The following DDX60 variants were observed in gnomAD, a reference collection of about 807,000 sequenced individuals.
DDX60 encodes the protein probable ATP-dependent RNA helicase DDX60.
In DDX60, 165 loss-of-function variants were observed where a neutral mutation model predicts 212.8. The observed-to-expected ratio is 0.78, with a 90% CI of 0.68 to 0.88. The LOEUF is 0.88. Ranked by LOEUF, DDX60 falls within the 40% of genes least tolerant of loss-of-function variation. The probability of loss-of-function intolerance (pLI) is 0.00; values close to 1 mark genes in which losing one functional copy is unlikely to be tolerated. For synonymous variants in DDX60, 703 were observed against 685.3 expected (o/e 1.03, Z -0.40); for missense variants, 1,905 against 2,003.9 (o/e 0.95, Z 0.94).
intron 11 of DDX60, 107 bp downstream of exon 11, chr4:168,285,286 A>ATG: frequency 1.4e-6 from 1 of 715,620 alleles, no homozygotes. Context: ...TTACAAACAC[A>ATG]TACTACATGT....
At chr4:168,314,963 G>C (rs569911852) in intron 1 of DDX60, among the ~76,000 whole-genome samples, 1 of 152,198 alleles carries the variant, frequency 6.6e-6, no homozygotes, top group African/African-American at 2.4e-5. Context: ...CAAGAATAAA[G>C]AGAAAGACAG....
At chr4:168,240,203 A>G (rs2149498437) in intron 30 of DDX60, among the ~76,000 whole-genome samples, 1 of 152,284 alleles carries the variant, frequency 6.6e-6, no homozygotes, top group East Asian at 1.9e-4. Context: ...CCAAATCACA[A>G]ATGAACTCCC....
intron 28 of DDX60, among the ~76,000 whole-genome samples, 163 bp downstream of exon 28, chr4:168,250,791 C>A (rs991416469): frequency 1.3e-5 from 2 of 151,952 alleles, no homozygotes; most frequent in African/African-American, 4.8e-5. Context: ...TCCCAAAGTG[C>A]TGGTATTATA....
chr4:168,261,812 A>T, intron 24 of DDX60, among the ~76,000 whole-genome samples, 188 bp downstream of exon 24: 1 of 152,190 alleles, frequency 6.6e-6, no homozygotes, highest in Non-Finnish European at 1.5e-5. Flanking sequence ...GAAGACACTG[A>T]GGATAAGACA....
At chr4:168,319,545 TA>T (rs904531388), upstream of DDX60, among the ~76,000 whole-genome samples, 2 of 152,216 alleles carry the variant, frequency 1.3e-5, no homozygotes, top group Non-Finnish European at 2.9e-5. Flanking sequence ...GAATCAACAT[TA>T]AAAAATAAAT....
At chr4:168,262,875 A>G in intron 22 of DDX60, 88 bp from the exon 23 acceptor site, 4 of 795,254 alleles carry the variant, frequency 5.0e-6, no homozygotes, top group Non-Finnish European at 5.7e-6. Context: ...ACCCAAAGAC[A>G]CTGAAAGGCA....
At position 168,302,515 on chromosome 4, in the gene DDX60, G is replaced by A. The variant is rs552283376; in HGVS notation, c.607-99C>T. 304 of 518,376 alleles carry A rather than the reference G, an allele frequency of 5.9e-4. 1 individual carries two copies. The highest frequency in any genetic ancestry group is 8.6e-4 in the Non-Finnish European group (271 of 316,808). The allele number at this position is 518,376 out of a possible 1,614,324, so 32.1% of individuals were successfully genotyped here. ...CATATTTTAGATATAATTATGTTAC[G>A]ATATATTTCTAAGGAAAAAAATATG... On this transcript the variant is annotated intron_variant, in intron 5 of 37. Transcript: ENST00000393743.
intron 30 of DDX60, among the ~76,000 whole-genome samples, chr4:168,241,667 G>A (rs1157992028): frequency 1.3e-5 from 2 of 152,172 alleles, no homozygotes; most frequent in East Asian, 1.9e-4. Context: ...TTCAAGAGGT[G>A]CCATGGGTGC....
Position 168,267,860 on chromosome 4 carries a change from T to C in DDX60, c.2910A>G (p.Gln970=), listed in dbSNP as rs145864840. 1.2e-6 allele frequency: 2 copies of C among 1,611,856 alleles called. No homozygotes were observed. Among genetic ancestry groups the C allele is most frequent in the African/African-American group, 1.3e-5 (1 of 74,852 alleles). Residue 970 remains glutamine, a synonymous_variant, in exon 21 of 38, where the codon CAA becomes CAG. Coordinates refer to ENST00000393743, the MANE Select transcript of DDX60 (RefSeq NM_017631.6). ...ACATACCAAGTCTAACTTTATACGA[T>C]TGTTTTACTTGCAAGTAGTCTTTGG... ...GFPKDYLQVK[Q]SYKVRLVLYG...
intron 10 of DDX60, among the ~76,000 whole-genome samples, chr4:168,285,961 GGAAAGAATGAAAGAAA>G (rs1377045074): frequency 3.1e-5 from 3 of 95,948 alleles, no homozygotes; most frequent in Non-Finnish European, 5.9e-5. Flanking sequence ...GGGAGGGAAA[GGAAAGAATGAAAGAAA>G]GAAAGAAAGA....
intron 37 of DDX60, 33 bp from the exon 38 acceptor site, chr4:168,217,065 T>TA: frequency 7.2e-7 from 1 of 1,386,502 alleles, no homozygotes; most frequent in Non-Finnish European, 1.0e-6. Flanking sequence ...AGGATCCACT[T>TA]TAGTGAGATT....
intron 33 of DDX60, among the ~76,000 whole-genome samples, chr4:168,232,927 A>G (rs1461097312): frequency 1.3e-5 from 2 of 152,156 alleles, no homozygotes; most frequent in Non-Finnish European, 2.9e-5. Context: ...CAGACAGCCC[A>G]CAGAGTGGGA....
chr4:168,316,100 CA>C (rs1737359354), intron 1 of DDX60, among the ~76,000 whole-genome samples: 1 of 151,902 alleles, frequency 6.6e-6, no homozygotes, highest in African/African-American at 2.4e-5. Context: ...TGAAGACAAT[CA>C]AAAAACCATG....
At chr4:168,224,193 T>A (rs747504145) in intron 35 of DDX60, 50 bp downstream of exon 35, 4 of 1,600,194 alleles carry the variant, frequency 2.5e-6, no homozygotes, top group Non-Finnish European at 2.6e-6. Context: ...GCAATATAAA[T>A]CCATTCTTTC....
intron 10 of DDX60, among the ~76,000 whole-genome samples, chr4:168,286,217 GA>G (rs1352816931): frequency 6.6e-6 from 1 of 151,414 alleles, no homozygotes; most frequent in African/African-American, 2.4e-5. Flanking sequence ...CTTATTATAA[GA>G]CAAAGATTTT....
intron 5 of DDX60, 39 bp downstream of exon 5, chr4:168,306,340 A>C (rs1736872867): frequency 6.6e-7 from 1 of 1,510,150 alleles, no homozygotes. Flanking sequence ...GAACATTTTG[A>C]AAATTTCTAG....
intron 16 of DDX60, 50 bp from the exon 17 acceptor site, chr4:168,274,133 C>A (rs766153342): frequency 3.1e-6 from 5 of 1,607,746 alleles, no homozygotes; most frequent in Non-Finnish European, 4.2e-6. Flanking sequence ...CCGTATGTTA[C>A]CAAAACAAAG....
chr4:168,231,041 C>CA (rs772279446), intron 33 of DDX60, among the ~76,000 whole-genome samples: 24 of 150,628 alleles, frequency 1.6e-4, no homozygotes, highest in Non-Finnish European at 3.3e-4. Flanking sequence ...CACAGAAGTA[C>CA]GAAAAAAAAA....
intron 26 of DDX60, among the ~76,000 whole-genome samples, chr4:168,253,052 C>T (rs1464686079): frequency 6.6e-6 from 1 of 152,172 alleles, no homozygotes; most frequent in Non-Finnish European, 1.5e-5. Context: ...GTCCACCTGC[C>T]TCGGCCTCCC....
Sources: allele counts gnomAD v4.1 joint callset (sites outside exome capture counted in the v4.1 genomes callset), GRCh38; gene constraint gnomAD v4.1.1; transcripts MANE v1.5; gene names NCBI Gene and HGNC (gene_info 2026-07-23, HGNC 2026-07-21).